Variants in SHANK2 observed in about 807,000 individuals in gnomAD.
The protein encoded by SHANK2 is SH3 and multiple ankyrin repeat domains protein 2.
A neutral mutation model predicts 133.7 loss-of-function variants in SHANK2; 43 were observed. The ratio of observed to expected loss-of-function variants is 0.32; its 90% CI spans 0.25 to 0.41. SHANK2 has a LOEUF of 0.41. Among genes scored for constraint, SHANK2 ranks in the 10% least tolerant of loss-of-function variants. The probability of loss-of-function intolerance (pLI) is 1.00; values close to 1 mark genes in which losing one functional copy is unlikely to be tolerated. For missense variants in SHANK2, 1,994 were observed against 2,235.8 expected (o/e 0.89, Z 2.18); for synonymous variants, 1,017 against 952.8 (o/e 1.07, Z -1.24).
At chr11:70,818,201 TTCTC>T (rs782015915) in intron 12 of SHANK2, among the ~76,000 whole-genome samples, 45 of 152,146 alleles carry the variant, frequency 3.0e-4, no homozygotes, top group Non-Finnish European at 2.2e-4. Flanking sequence ...TACACAATGA[TTCTC>T]TCTCTAACAT....
chr11:71,194,691 G>A (rs111846747), intron 2 of SHANK2, among the ~76,000 whole-genome samples: 4,640 of 152,248 alleles, frequency 0.03, 106 homozygotes, highest in African/African-American at 0.062. Flanking sequence ...ACAAAGAAAC[G>A]CAAAAGAGAA....
intron 10 of SHANK2, among the ~76,000 whole-genome samples, chr11:70,932,424 G>T (rs560669234): frequency 5.3e-5 from 8 of 152,232 alleles, no homozygotes; most frequent in Non-Finnish European, 8.8e-5. Context: ...GTCCGCGCAC[G>T]TGCGGCCCCG....
intron 11 of SHANK2, among the ~76,000 whole-genome samples, chr11:70,860,616 C>T (rs1555067628): frequency 2.0e-5 from 3 of 152,234 alleles, no homozygotes; most frequent in Non-Finnish European, 1.5e-5. Context: ...AAGCATTTCT[C>T]CCTTACTCTC....
chr11:71,153,022 T>C (rs1555108389), intron 2 of SHANK2, among the ~76,000 whole-genome samples: 1 of 152,172 alleles, frequency 6.6e-6, no homozygotes, highest in African/African-American at 2.4e-5. Flanking sequence ...ACTAAAAAAC[T>C]CTCTGCTGTT....
At chr11:70,745,139 C>T (rs1946611318) in intron 14 of SHANK2, among the ~76,000 whole-genome samples, 2 of 152,232 alleles carry the variant, frequency 1.3e-5, no homozygotes, top group Admixed American at 6.5e-5. Flanking sequence ...AACTCAGGGT[C>T]AACCAGAGAA....
rs782107367 is a variant in SHANK2 at position 70,729,206 on chromosome 11, T to TA, written c.1778-30444dup. Among the ~76,000 whole-genome samples the TA allele has an allele frequency of 2.3e-3, 308 of 131,618 alleles. 1 individual carries two copies. Among genetic ancestry groups the TA allele is most frequent in the Non-Finnish European group, 3.4e-3 (207 of 61,146 alleles). The allele number at this position is 131,618 out of a possible 152,430, so 86.3% of individuals were successfully genotyped here. A position where few individuals can be genotyped will look rare whatever the true frequency, so the allele number is the denominator to read the frequency against. ...AGCAAGAATTCATCTAAAAAAAAAT[T>TA]AAAAAAAAAAAAAGAAGAAAGAAAG... On this transcript the variant is annotated intron_variant, in intron 14 of 25. Coordinates refer to ENST00000601538, the MANE Select transcript of SHANK2 (RefSeq NM_012309.5).
chr11:70,772,156 G>T (rs1555042958), intron 14 of SHANK2, among the ~76,000 whole-genome samples: 1 of 152,028 alleles, frequency 6.6e-6, no homozygotes, highest in African/African-American at 2.4e-5. Context: ...AGTTTGAGAA[G>T]TGTATTGGTG....
At chr11:71,177,238 G>A (rs992591517) in intron 2 of SHANK2, among the ~76,000 whole-genome samples, 2 of 152,160 alleles carry the variant, frequency 1.3e-5, no homozygotes, top group East Asian at 3.8e-4. Context: ...ACAAAAGAGT[G>A]AAGATGATCA....
At chr11:70,591,989 C>T (rs782337916) in intron 17 of SHANK2, among the ~76,000 whole-genome samples, 7 of 151,602 alleles carry the variant, frequency 4.6e-5, no homozygotes, top group Non-Finnish European at 7.4e-5. Context: ...TCCAAGATCG[C>T]GCCATCGCAC....
intron 2 of SHANK2, among the ~76,000 whole-genome samples, chr11:71,185,580 CT>C (rs1953653394): frequency 1.3e-5 from 2 of 152,202 alleles, no homozygotes; most frequent in Non-Finnish European, 2.9e-5. Flanking sequence ...CTCCAGGTGA[CT>C]ACCCAGCCAA....
At chr11:70,866,307 G>T (rs1342681560) in intron 11 of SHANK2, among the ~76,000 whole-genome samples, 1 of 152,094 alleles carries the variant, frequency 6.6e-6, no homozygotes, top group African/African-American at 2.4e-5. Context: ...GGCACCAAAT[G>T]GGGGGAACCA....
chr11:70,487,754 C>T lies in SHANK2; in HGVS notation c.2573-34G>A. ...AGAAAACAGGTTTAGCTTTAAGTCA[C>T]AATAGCAACAAAGCCTAAGTTCCTA... On this transcript the variant is annotated intron_variant, in intron 24 of 25. Coordinates refer to ENST00000601538, the MANE Select transcript of SHANK2 (RefSeq NM_012309.5). The surrounding 1 kb of genome is among the most constrained non-coding windows in gnomAD (Gnocchi z 5.8). 1 of 1,550,646 alleles carries T rather than the reference C, an allele frequency of 6.4e-7. No homozygotes were observed. The highest frequency in any genetic ancestry group is 8.7e-7 in the Non-Finnish European group (1 of 1,147,086).
At chr11:70,661,303 G>C (rs1555013168) in intron 16 of SHANK2, among the ~76,000 whole-genome samples, 1 of 152,114 alleles carries the variant, frequency 6.6e-6, no homozygotes, top group African/African-American at 2.4e-5. Context: ...AAAGGTAGGA[G>C]GGGCAGGAGG....
intron 11 of SHANK2, among the ~76,000 whole-genome samples, chr11:70,874,513 A>AT (rs1186461515): frequency 2.0e-5 from 3 of 152,080 alleles, no homozygotes. Flanking sequence ...GTATGGCAAA[A>AT]TTATTTTCAT....
intron 14 of SHANK2, among the ~76,000 whole-genome samples, chr11:70,735,725 C>CAGAGGGAGGGA (rs1946390403): frequency 2.0e-5 from 3 of 149,584 alleles, no homozygotes; most frequent in African/African-American, 7.4e-5. Context: ...AAAAAATGTG[C>CAGAGGGAGGGA]AGAGGGAGGG....
intron 3 of SHANK2, among the ~76,000 whole-genome samples, chr11:71,123,801 C>A (rs1952120403): frequency 6.6e-6 from 1 of 152,178 alleles, no homozygotes; most frequent in African/African-American, 2.4e-5. Flanking sequence ...GAAGTCCCAA[C>A]CCTGGCCAAC....
At chr11:70,602,698 T>A (rs1554991319) in intron 17 of SHANK2, among the ~76,000 whole-genome samples, 1 of 152,258 alleles carries the variant, frequency 6.6e-6, no homozygotes, top group African/African-American at 2.4e-5. Context: ...GAAAAATCAG[T>A]GTGCTTGATT....
intron 8 of SHANK2, among the ~76,000 whole-genome samples, chr11:71,085,724 A>AT (rs1565441755): frequency 0.13 from 9,132 of 71,414 alleles, 876 homozygotes; most frequent in Non-Finnish European, 0.17. Flanking sequence ...ATTATATTAT[A>AT]TAAAATATAA....
intron 6 of SHANK2, among the ~76,000 whole-genome samples, chr11:71,108,557 C>T (rs1951836287): frequency 6.6e-6 from 1 of 152,196 alleles, no homozygotes; most frequent in South Asian, 2.1e-4. Context: ...CAGCCTCCTG[C>T]TCCAGGCCAC....
Sources: gnomAD v4.1 joint callset for allele counts (sites outside exome capture counted in the v4.1 genomes callset) on GRCh38, gnomAD v4.1.1 for gene constraint, Gnocchi (gnomAD v3.1) non-coding constraint, MANE v1.5 for transcripts, NCBI Gene and HGNC (gene_info 2026-07-23, HGNC 2026-07-21) for gene names.